ADAMTSL1: variants seen among roughly 807,000 people sequenced by gnomAD.
The protein encoded by ADAMTSL1 is ADAMTS-like protein 1.
Under a neutral mutation model 201.8 loss-of-function variants are expected in ADAMTSL1, and 126 were observed. The ratio of observed to expected loss-of-function variants is 0.62; its 90% CI spans 0.54 to 0.72. The LOEUF (loss-of-function observed/expected upper bound fraction) is 0.72, where lower values mean the gene tolerates loss of function less well. ADAMTSL1 is among the 30% of genes least tolerant of loss of function. The pLI is 0.00. For synonymous variants in ADAMTSL1, 1,121 were observed against 903.4 expected, an observed-to-expected ratio of 1.24 and a Z score of -4.32; for missense variants, 2,679 against 2,277.8, an observed-to-expected ratio of 1.18 and a Z score of -3.59.
chr9:18,638,338 A>G (rs1827229296), intron 6 of ADAMTSL1, among the ~76,000 whole-genome samples: 1 of 152,056 alleles, frequency 6.6e-6, no homozygotes, highest in African/African-American at 2.4e-5. Flanking sequence ...AGCCCCATCC[A>G]AGCACTCCAT....
Position 18,504,866 on chromosome 9 carries a change from G to C in ADAMTSL1, c.101G>C (p.Gly34Ala). Residue 34 changes from glycine to alanine, a missense_variant, in exon 2 of 29, where the codon GGC becomes GCC. Transcript: ENST00000380548. ...RTARSEEDRDGLWDAWGPWSE... is the reference protein window; with the variant it reads ...RTARSEEDRDALWDAWGPWSE... ...GCACGCTCCGAGGAGGACCGGGACG[G>C]CCTATGGGATGCCTGGGGCCCATGG... 6.2e-7 allele frequency: 1 copy of C among 1,613,954 alleles called. No homozygotes were observed. The highest frequency in any genetic ancestry group is 1.1e-5 in the South Asian group (1 of 91,072).
At chr9:18,039,297 A>G (rs1821337331) in intron 1 of ADAMTSL1, among the ~76,000 whole-genome samples, 1 of 152,174 alleles carries the variant, frequency 6.6e-6, no homozygotes, top group Admixed American at 6.5e-5. Flanking sequence ...ATCTGGGAAA[A>G]TGTCATCTTT....
chr9:18,425,578 A>T (rs972134886), intron 2 of ADAMTSL1, among the ~76,000 whole-genome samples: 1 of 152,192 alleles, frequency 6.6e-6, no homozygotes, highest in Non-Finnish European at 1.5e-5. Flanking sequence ...CTCCAGGCAC[A>T]GCAGCTTGCA....
At chr9:18,071,114 G>C (rs193189357) in intron 1 of ADAMTSL1, among the ~76,000 whole-genome samples, 2 of 152,284 alleles carry the variant, frequency 1.3e-5, no homozygotes, top group Non-Finnish European at 2.9e-5. Context: ...AGAGGAGATT[G>C]CTGTCGGGGT....
intron 7 of ADAMTSL1, 166 bp from the exon 8 acceptor site, chr9:18,657,473 G>T: frequency 1.7e-6 from 1 of 583,402 alleles, no homozygotes; most frequent in Non-Finnish European, 3.1e-6. Flanking sequence ...CCATTCACTG[G>T]TAAAATGGTA....
intron 1 of ADAMTSL1, among the ~76,000 whole-genome samples, chr9:17,989,779 T>C (rs1819075720): frequency 6.6e-6 from 1 of 151,976 alleles, no homozygotes; most frequent in Non-Finnish European, 1.5e-5. Context: ...TTCATATGTT[T>C]GTTGGACATT....
chr9:18,659,184 G>A (rs1296710669), intron 8 of ADAMTSL1, among the ~76,000 whole-genome samples: 3 of 152,170 alleles, frequency 2.0e-5, no homozygotes, highest in Non-Finnish European at 4.4e-5. Flanking sequence ...AATTTGACAA[G>A]ATATAAAAGG....
chr9:18,554,911 C>T (rs757659015), intron 3 of ADAMTSL1, among the ~76,000 whole-genome samples: 58 of 149,858 alleles, frequency 3.9e-4, no homozygotes, highest in Non-Finnish European at 6.5e-4. Flanking sequence ...AAGGTTTACT[C>T]TTGTGTTGTA....
At chr9:18,685,199 T>A (rs114510133) in intron 13 of ADAMTSL1, among the ~76,000 whole-genome samples, 51 of 152,308 alleles carry the variant, frequency 3.3e-4, no homozygotes, top group African/African-American at 1.2e-3. Flanking sequence ...AAAGAGCAAG[T>A]AAAGTATACC....
At chr9:18,602,557 A>G (rs902524035) in intron 4 of ADAMTSL1, among the ~76,000 whole-genome samples, 1 of 152,084 alleles carries the variant, frequency 6.6e-6, no homozygotes, top group African/African-American at 2.4e-5. Context: ...GCCTGCCTTT[A>G]TTGTTCCAGG....
chr9:18,380,358 A>G (rs375920914), intron 2 of ADAMTSL1, among the ~76,000 whole-genome samples: 1 of 152,236 alleles, frequency 6.6e-6, no homozygotes, highest in East Asian at 1.9e-4. Context: ...ATGGGGAAGA[A>G]GCAGAATGAA....
intron 4 of ADAMTSL1, among the ~76,000 whole-genome samples, chr9:18,621,158 T>C (rs990469261): frequency 6.6e-6 from 1 of 152,056 alleles, no homozygotes; most frequent in African/African-American, 2.4e-5. Context: ...AGTTTGGGAG[T>C]AGAATAAATC....
chr9:18,085,199 G>A (rs938106469), intron 1 of ADAMTSL1, among the ~76,000 whole-genome samples: 2 of 152,104 alleles, frequency 1.3e-5, no homozygotes, highest in Non-Finnish European at 2.9e-5. Context: ...TTTTTCCTGT[G>A]ATTCAAGTGG....
At position 18,089,496 on chromosome 9, in the gene ADAMTSL1, A is replaced by G. The variant is rs1823914197; in HGVS notation, c.88-74366A>G. On this transcript the variant is annotated intron_variant, in intron 1 of 29. Transcript: ENST00000680146. ...GGGGAGCTAGGGGAGGGATAGCATTAGGAGAAATACCTAACGTAGATGACG... is the reference window on the plus strand; with the variant it reads ...GGGGAGCTAGGGGAGGGATAGCATTGGGAGAAATACCTAACGTAGATGACG... Among the ~76,000 whole-genome samples, 3 of 152,292 alleles carry G rather than the reference A, an allele frequency of 2.0e-5. No individual in the cohort carries two copies. In the South Asian group the frequency reaches 6.2e-4, roughly 32 times the overall value.
intron 20 of ADAMTSL1, among the ~76,000 whole-genome samples, chr9:18,807,602 C>G (rs1823231112): frequency 6.7e-6 from 1 of 149,114 alleles, no homozygotes; most frequent in Non-Finnish European, 1.5e-5. Flanking sequence ...GCCGAGATCG[C>G]ACCACTGCAC....
chr9:18,832,143 G>A (rs529673233), intron 23 of ADAMTSL1, among the ~76,000 whole-genome samples: 5 of 152,316 alleles, frequency 3.3e-5, no homozygotes, highest in African/African-American at 1.2e-4. Context: ...CTCAGCCACA[G>A]CTTGTCCATT....
intron 20 of ADAMTSL1, among the ~76,000 whole-genome samples, chr9:18,797,935 T>C (rs1822535237): frequency 6.6e-6 from 1 of 152,158 alleles, no homozygotes; most frequent in Non-Finnish European, 1.5e-5. Flanking sequence ...CATGTATCTT[T>C]CAGTATGTGT....
At chr9:18,589,222 T>A (rs2132465973) in intron 4 of ADAMTSL1, among the ~76,000 whole-genome samples, 1 of 152,278 alleles carries the variant, frequency 6.6e-6, no homozygotes. Flanking sequence ...TGGAATAGCT[T>A]TCCATTTTTT....
intron 13 of ADAMTSL1, among the ~76,000 whole-genome samples, chr9:18,696,443 T>A (rs1235767617): frequency 6.6e-6 from 1 of 152,164 alleles, no homozygotes; most frequent in Non-Finnish European, 1.5e-5. Flanking sequence ...ATAACCAAGA[T>A]AACCTTGGGA....
Sources: gnomAD v4.1 joint callset for allele counts (sites outside exome capture counted in the v4.1 genomes callset) on GRCh38, gnomAD v4.1.1 for gene constraint, MANE v1.5 for transcripts, NCBI Gene and HGNC (gene_info 2026-07-23, HGNC 2026-07-21) for gene names.